The following NAALADL2 variants were observed in gnomAD, a reference collection of about 807,000 sequenced individuals.
The protein encoded by NAALADL2 is N-acetylated alpha-linked acidic dipeptidase like 2, also known as inactive N-acetylated-alpha-linked acidic dipeptidase-like protein 2.
Under a neutral mutation model 87.2 loss-of-function variants are expected in NAALADL2, and 76 were observed. The ratio of observed to expected loss-of-function variants is 0.87; its 90% CI spans 0.72 to 1.05. The LOEUF (loss-of-function observed/expected upper bound fraction) is 1.05, where lower values mean the gene tolerates loss of function less well. Ranked by LOEUF, NAALADL2 falls within the 50% of genes least tolerant of loss-of-function variation. The pLI is 0.00. For synonymous variants in NAALADL2, 354 were observed against 331.0 expected, an observed-to-expected ratio of 1.07 and a Z score of -0.75; for missense variants, 1,089 against 945.8, an observed-to-expected ratio of 1.15 and a Z score of -1.99.
rs77962482 is a variant in NAALADL2 at position 175,389,334 on chromosome 3, A to C, written c.1091-57895A>C. On this transcript the variant is annotated intron_variant, in intron 5 of 13. Transcript: ENST00000454872. Reference sequence around the variant, plus strand: ...ACGCCACCTGGCAGAATTTACATTTAGATCCAAGAAGGAATAAACACTGTA... The same window carrying C: ...ACGCCACCTGGCAGAATTTACATTTCGATCCAAGAAGGAATAAACACTGTA... 4.7e-3 allele frequency among the ~76,000 whole-genome samples: 716 copies of C among 152,338 alleles called. 4 individuals carry two copies. The highest frequency in any genetic ancestry group is 0.014 in the Middle Eastern group (4 of 294).
chr3:175,234,180 C>T lies in NAALADL2; in HGVS notation c.795C>T (p.Ala265=), dbSNP rs1745446345. 1.2e-6 allele frequency: 2 copies of T among 1,613,570 alleles called. No individual in the cohort carries two copies. The highest frequency in any genetic ancestry group is 2.7e-5 in the African/African-American group (2 of 74,914). Residue 265 remains alanine, a synonymous_variant, in exon 3 of 14, where the codon GCC becomes GCT. Coordinates refer to ENST00000454872, the MANE Select transcript of NAALADL2 (RefSeq NM_207015.3). ...AAGACCTGCTCTATTCATATGCAGC[C>T]TATTCTGCCAAAGGAACTCTCAAGG... ...SSQDLLYSYA[A]YSAKGTLKAE... is the part of the protein sequence containing the mutation.
chr3:174,520,745 G>A (rs1218736404), intron 1 of NAALADL2, among the ~76,000 whole-genome samples: 1 of 152,098 alleles, frequency 6.6e-6, no homozygotes, highest in African/African-American at 2.4e-5. Context: ...CACGACAAAC[G>A]AAATAACCAA....
chr3:175,124,803 GGT>G (rs1726689383), intron 2 of NAALADL2, among the ~76,000 whole-genome samples: 1 of 151,968 alleles, frequency 6.6e-6, no homozygotes, highest in African/African-American at 2.4e-5. Context: ...ATAGCTATTT[GGT>G]GAGAGTATTG....
chr3:175,120,675 A>G (rs956266652), intron 2 of NAALADL2, among the ~76,000 whole-genome samples: 1 of 151,844 alleles, frequency 6.6e-6, no homozygotes, highest in Non-Finnish European at 1.5e-5. Context: ...TGCTATGTCT[A>G]GATGATTGTA....
chr3:175,435,913 A>G (rs189525311), intron 5 of NAALADL2, among the ~76,000 whole-genome samples: 2,696 of 148,962 alleles, frequency 0.018, 26 homozygotes, highest in Non-Finnish European at 0.026. Flanking sequence ...GGTTAGTTAC[A>G]TATGTATACA....
intron 2 of NAALADL2, among the ~76,000 whole-genome samples, chr3:174,688,189 A>G (rs1421632783): frequency 1.3e-5 from 2 of 152,118 alleles, no homozygotes; most frequent in African/African-American, 4.8e-5. Context: ...ACCATATGTA[A>G]AATCTGTTGT....
intron 10 of NAALADL2, among the ~76,000 whole-genome samples, chr3:175,620,289 G>T (rs1726030939): frequency 1.3e-5 from 2 of 152,130 alleles, no homozygotes; most frequent in Non-Finnish European, 2.9e-5. Flanking sequence ...GCTCTTGCTC[G>T]CTGGGATTCC....
At chr3:175,583,541 C>T (rs566532655) in intron 10 of NAALADL2, among the ~76,000 whole-genome samples, 10 of 149,224 alleles carry the variant, frequency 6.7e-5, no homozygotes, top group Admixed American at 6.0e-4. Context: ...CTATCAAAGA[C>T]TGGAGGAAAT....
intron 3 of NAALADL2, among the ~76,000 whole-genome samples, chr3:174,785,908 A>G (rs1716581372): frequency 6.6e-6 from 1 of 152,072 alleles, no homozygotes. Context: ...CTGTGTTTTC[A>G]GTAGATTAGA....
intron 11 of NAALADL2, among the ~76,000 whole-genome samples, chr3:175,645,317 G>A (rs1729850222): frequency 6.6e-6 from 1 of 151,946 alleles, no homozygotes; most frequent in South Asian, 2.1e-4. Flanking sequence ...ACACAACATT[G>A]GTTGAAGATA....
intron 5 of NAALADL2, among the ~76,000 whole-genome samples, chr3:175,437,743 C>A (rs2149188125): frequency 6.6e-6 from 1 of 151,754 alleles, no homozygotes; most frequent in East Asian, 1.9e-4. Flanking sequence ...GTACTGGTAC[C>A]AAAACAGAGA....
intron 5 of NAALADL2, among the ~76,000 whole-genome samples, chr3:175,423,054 T>A (rs1350669569): frequency 0.012 from 1,183 of 99,516 alleles, 3 homozygotes; most frequent in East Asian, 0.046. Flanking sequence ...TATATATATT[T>A]TTTTTTTTTC....
rs550766602 is a variant in NAALADL2 at position 174,547,650 on chromosome 3, A to G, written c.-183-2919A>G. Among the ~76,000 whole-genome samples the G allele has an allele frequency of 9.7e-4, 147 of 152,264 alleles. 1 individual carries two copies. Among genetic ancestry groups the G allele is most frequent in the Non-Finnish European group, 1.6e-3 (111 of 68,010 alleles). The stretch of plus-strand genomic sequence containing the variant: ...GCATTCTGTTTTATTCCTTAGGTCC[A>G]TATGACCAAATCCTACATTCTTCCT... On this transcript the variant is annotated intron_variant, in intron 1 of 3. Coordinates refer to the NAALADL2 transcript ENST00000434257.
At chr3:175,315,515 C>A (rs1249977029) in intron 4 of NAALADL2, among the ~76,000 whole-genome samples, 1 of 152,070 alleles carries the variant, frequency 6.6e-6, no homozygotes, top group East Asian at 1.9e-4. Context: ...GAATAAAACA[C>A]TTTTTGAAGA....
In NAALADL2 at chr3:175,234,161, T is replaced by C. The variant is rs773880957; in HGVS notation, c.776T>C (p.Leu259Pro). 2 of 1,613,780 alleles carry C rather than the reference T, an allele frequency of 1.2e-6. No individual in the cohort carries two copies. Among genetic ancestry groups the C allele is most frequent in the African/African-American group, 2.7e-5 (2 of 74,914 alleles). Residue 259 changes from leucine (L) to proline (P), a missense_variant, in exon 3 of 14, where the codon CTG (leucine) becomes CCG (proline). Transcript: ENST00000454872. ...EEARKDSSQDLLYSYAAYSAK... is the reference protein window; with the variant it reads ...EEARKDSSQDPLYSYAAYSAK... ...GCCAGAAAAGATAGCAGCCAAGACC[T>C]GCTCTATTCATATGCAGCCTATTCT...
At chr3:175,349,542 C>G (rs529799757) in intron 5 of NAALADL2, among the ~76,000 whole-genome samples, 1 of 152,162 alleles carries the variant, frequency 6.6e-6, no homozygotes, top group East Asian at 1.9e-4. Context: ...ACTGAACTCT[C>G]CTATGCGGAG....
At chr3:175,396,895 G>A (rs978670079) in intron 5 of NAALADL2, among the ~76,000 whole-genome samples, 2 of 151,972 alleles carry the variant, frequency 1.3e-5, no homozygotes, top group Admixed American at 1.3e-4. Context: ...GTTTCCTGAG[G>A]CCTCCCCAAC....
At chr3:174,698,265 A>G (rs1048382414) in intron 2 of NAALADL2, among the ~76,000 whole-genome samples, 1 of 151,444 alleles carries the variant, frequency 6.6e-6, no homozygotes. Context: ...TTTACCTGAA[A>G]TAGCATTGTT....
chr3:175,422,574 TAGAAG>T (rs2149126461), intron 5 of NAALADL2, among the ~76,000 whole-genome samples: 1 of 151,502 alleles, frequency 6.6e-6, no homozygotes, highest in South Asian at 2.1e-4. Context: ...TCCACAAAGG[TAGAAG>T]AGAAAAAAAA....
Sources: allele counts gnomAD v4.1 joint callset (sites outside exome capture counted in the v4.1 genomes callset), GRCh38; gene constraint gnomAD v4.1.1; transcripts MANE v1.5; gene names NCBI Gene and HGNC (gene_info 2026-07-23, HGNC 2026-07-21).